The following PGAP6 variants were observed in gnomAD, a reference collection of about 807,000 sequenced individuals.
The protein encoded by PGAP6 is post-GPI attachment to proteins 6.
In PGAP6, 62 loss-of-function variants were observed where a neutral mutation model predicts 68.4. The observed-to-expected ratio is 0.91, with a 90% CI of 0.74 to 1.12. The LOEUF is 1.12. Among genes scored for constraint, PGAP6 ranks in the 50% most tolerant of loss-of-function variants. The probability of loss-of-function intolerance (pLI) is 0.00; values close to 1 mark genes in which losing one functional copy is unlikely to be tolerated. For synonymous variants in PGAP6, 575 were observed against 474.0 expected, an observed-to-expected ratio of 1.21 and a Z score of -2.77; for missense variants, 1,188 against 1,068.5, an observed-to-expected ratio of 1.11 and a Z score of -1.56.
At chr16:385,601 G>A (rs1054964178), upstream of PGAP6, among the ~76,000 whole-genome samples, 3 of 144,418 alleles carry the variant, frequency 2.1e-5, no homozygotes, top group Admixed American at 7.0e-5. Context: ...ATGAGCCACA[G>A]CGCCCGGCCT....
chr16:385,770 G>A (rs1193215917), upstream of PGAP6, among the ~76,000 whole-genome samples: 56 of 151,074 alleles, frequency 3.7e-4, no homozygotes, highest in Middle Eastern at 3.4e-3. Flanking sequence ...GACTACAGGC[G>A]CCTGCCAACA....
At chr16:372,545 G>C (rs542545603) in intron 12 of PGAP6, 66 bp downstream of exon 12, 66 of 1,313,626 alleles carry the variant, frequency 5.0e-5, no homozygotes, top group Admixed American at 4.7e-4. Flanking sequence ...AACGTGGCTA[G>C]AGCAAGGGGC....
intron 11 of PGAP6, among the ~76,000 whole-genome samples, chr16:373,012 C>T (rs1270772288): frequency 6.6e-6 from 1 of 152,170 alleles, no homozygotes; most frequent in Non-Finnish European, 1.5e-5. Context: ...CGCTCTGCAC[C>T]CACACACTCA....
Position 377,146 on chromosome 16 carries a change from C to T in PGAP6, c.526G>A (p.Ala176Thr), listed in dbSNP as rs2054392148. 8 of 1,613,540 alleles carry T rather than the reference C, an allele frequency of 5.0e-6. No individual in the cohort carries two copies. The highest frequency in any genetic ancestry group is 2.2e-5 in the South Asian group (2 of 91,088). Residue 176 changes from alanine to threonine, a missense_variant, in exon 4 of 13, where the codon GCC (alanine) becomes ACC (threonine). Physicochemically the swap from Ala to Thr is moderately conservative, Grantham distance 58. Coordinates refer to ENST00000431232, the MANE Select transcript of PGAP6 (RefSeq NM_021259.3). ...AGCAGTTCAGGCTGGAAGACGTAGG[C>T]ACAGGTGGGAGCCAAGCCCTAGGGA... is the stretch of plus-strand genomic sequence containing the variant. ...IELKGLAPTC[A>T]YVFQPELLVT...
At chr16:374,943 C>A in intron 8 of PGAP6, 51 bp from the exon 9 acceptor site, 1 of 1,608,822 alleles carries the variant, frequency 6.2e-7, no homozygotes, top group Non-Finnish European at 8.5e-7. Flanking sequence ...GACAGCCCAG[C>A]TGCCACCAGC....
chr16:381,567 C>G (rs2054438428), intron 1 of PGAP6, 134 bp downstream of exon 1: 1 of 665,436 alleles, frequency 1.5e-6, no homozygotes, highest in South Asian at 7.3e-5. Flanking sequence ...ACTGTGCACC[C>G]CCAACCCGCG....
intron 6 of PGAP6, 141 bp downstream of exon 6, chr16:375,995 A>T: frequency 2.3e-6 from 2 of 859,208 alleles, no homozygotes; most frequent in Non-Finnish European, 3.4e-6. Flanking sequence ...AGGCCCCCCA[A>T]CATGGGCCCC....
chr16:378,276 C>T, intron 1 of PGAP6, among the ~76,000 whole-genome samples: 1 of 145,478 alleles, frequency 6.9e-6, no homozygotes, highest in South Asian at 2.3e-4. Flanking sequence ...CCATCCCCAC[C>T]CACACTGCCA....
chr16:377,369 C>T lies in PGAP6; in HGVS notation c.507+9G>A. On this transcript the variant is annotated intron_variant, in intron 3 of 12. Transcript: ENST00000431232. ...CTCTGCCTCCATCCCGGAGGGCAGCCCCCCTCACCTTCAACTCGATCTTCT... is the reference window on the plus strand; with the variant it reads ...CTCTGCCTCCATCCCGGAGGGCAGCTCCCCTCACCTTCAACTCGATCTTCT... 1 of 1,580,460 alleles carries T rather than the reference C, an allele frequency of 6.3e-7. No individual in the cohort carries two copies. The highest frequency in any genetic ancestry group is 8.6e-7 in the Non-Finnish European group (1 of 1,161,014).
chr16:381,988 A>G, upstream of PGAP6: 1 of 942,352 alleles, frequency 1.1e-6, no homozygotes, highest in Non-Finnish European at 1.3e-6. Context: ...TTCCGCCCGC[A>G]GGCCCCGCCC....
intron 1 of PGAP6, among the ~76,000 whole-genome samples, chr16:378,843 G>A (rs1004737157): frequency 1.4e-4 from 22 of 152,248 alleles, no homozygotes; most frequent in African/African-American, 4.8e-4. Flanking sequence ...TGCCCTCTGC[G>A]TTCCAAGCGG....
chr16:378,222 CCTGA>C (rs1165538474), intron 1 of PGAP6, among the ~76,000 whole-genome samples: 1 of 87,800 alleles, frequency 1.1e-5, no homozygotes, highest in Admixed American at 1.0e-4. Context: ...CCATCGCCAC[CCTGA>C]CTGCCATCGC....
At chr16:380,782 A>G (rs2054430237) in intron 1 of PGAP6, among the ~76,000 whole-genome samples, 1 of 124,844 alleles carries the variant, frequency 8.0e-6, no homozygotes, top group Non-Finnish European at 1.6e-5. Context: ...TCAAAGGAGC[A>G]TTATTTCAGG....
Position 381,943 on chromosome 16 carries a change from G to A in PGAP6, c.-122C>T. 2.1e-6 allele frequency: 2 copies of A among 972,256 alleles called. No homozygotes were observed. Among genetic ancestry groups the A allele is most frequent in the Non-Finnish European group, 2.4e-6 (2 of 819,752 alleles). 60.2% of individuals were successfully genotyped at this position (972,256 alleles called of 1,614,324 possible). On this transcript the variant is annotated 5_prime_UTR_variant, in exon 1 of 13. Coordinates refer to ENST00000431232, the MANE Select transcript of PGAP6 (RefSeq NM_021259.3). ...TCCGCCTCTGCCCCCGGCGCCCATG[G>A]CCCGGCCGGTCCCCGCCGCCGTCGC...
intron 6 of PGAP6, 146 bp downstream of exon 6, chr16:375,987 GCCC>G: frequency 2.5e-6 from 2 of 801,628 alleles, no homozygotes; most frequent in Non-Finnish European, 3.8e-6. Flanking sequence ...AGCAGGGGAG[GCCC>G]CCCAACATGG....
chr16:384,790 A>G (rs2054470551), upstream of PGAP6, among the ~76,000 whole-genome samples: 1 of 149,984 alleles, frequency 6.7e-6, no homozygotes, highest in Non-Finnish European at 1.5e-5. Flanking sequence ...CAGGAGGTGG[A>G]GGTTGCAGTG....
rs757385172 is a variant in PGAP6, at chr16:372,747, G to T, written c.1903-20C>A. The T allele has an allele frequency of 3.8e-6, 6 of 1,565,520 alleles. No homozygotes were observed. Among genetic ancestry groups the T allele is most frequent in the Admixed American group, 3.4e-5 (2 of 58,412 alleles). ...CAGCACCTGCGCAAGACACAGGGAT[G>T]ACTGCAGGGACGTCTCTGAGGGCTC... On this transcript the variant is annotated intron_variant, in intron 11 of 12. Transcript: ENST00000431232.
chr16:381,779 C>A lies in PGAP6; in HGVS notation c.43G>T (p.Ala15Ser). The A allele has an allele frequency of 2.5e-6, 3 of 1,181,856 alleles. No individual in the cohort carries two copies. Among genetic ancestry groups the A allele is most frequent in the Non-Finnish European group, 3.1e-6 (3 of 955,184 alleles). 73.2% of individuals were successfully genotyped at this position (1,181,856 alleles called of 1,614,324 possible). A position where few individuals can be genotyped will look rare whatever the true frequency, so the allele number is the denominator to read the frequency against. Residue 15 changes from alanine (A) to serine (S), a missense_variant, in exon 1 of 13, where the codon GCG becomes TCG. Transcript: ENST00000431232. The stretch of plus-strand genomic sequence containing the variant: ...AGCAGCAGCGGCCCCGCCACCACCG[C>A]GGCCACCGCCTCGCCCCCGGTCCCG... ...GTGTGGEAVA[A>S]VVAGPLLLLL...
intron 8 of PGAP6, 39 bp from the exon 9 acceptor site, chr16:374,931 C>G (rs2054367943): frequency 6.2e-7 from 1 of 1,610,856 alleles, no homozygotes; most frequent in Non-Finnish European, 8.5e-7. Flanking sequence ...GTGCAGTGAT[C>G]TGACAGCCCA....
Sources: gnomAD v4.1 joint callset for allele counts (sites outside exome capture counted in the v4.1 genomes callset) on GRCh38, gnomAD v4.1.1 for gene constraint, MANE v1.5 for transcripts, NCBI Gene and HGNC (gene_info 2026-07-23, HGNC 2026-07-21) for gene names.